The following BBS5 variants were observed in gnomAD, a reference collection of about 807,000 sequenced individuals.
BBS5 encodes the protein BBSome complex member BBS5.
BBS5 carries 39 observed loss-of-function variants against 50.2 expected under a neutral mutation model. The observed-to-expected ratio is 0.78, with a 90% CI of 0.60 to 1.01. The LOEUF (loss-of-function observed/expected upper bound fraction) is 1.01. Among genes scored for constraint, BBS5 ranks in the 50% least tolerant of loss-of-function variants. The pLI is 0.00. For missense variants in BBS5, 356 were observed against 401.5 expected, an observed-to-expected ratio of 0.89 and a Z score of 0.97; for synonymous variants, 134 against 133.1, an observed-to-expected ratio of 1.01 and a Z score of -0.05.
intron 9 of BBS5, among the ~76,000 whole-genome samples, chr2:169,500,250 T>G (rs80312049): frequency 0.047 from 7,083 of 152,262 alleles, 188 homozygotes; most frequent in East Asian, 0.1. Flanking sequence ...TATCAGTGAT[T>G]TCCTCACTAC....
rs1413032709 is a variant in BBS5 at position 169,505,958 on chromosome 2, G to T, written c.*1376G>T. The T allele has an allele frequency of 1.4e-5, 2 of 143,402 alleles. 1 individual carries two copies. The highest frequency in any genetic ancestry group is 4.6e-4 in the South Asian group (2 of 4,382). The allele number at this position is 143,402 out of a possible 1,614,324, so 8.9% of individuals were successfully genotyped here. A position where few individuals can be genotyped will look rare whatever the true frequency, so the allele number is the denominator to read the frequency against. On this transcript the variant is annotated 3_prime_UTR_variant, in exon 12 of 12. Transcript: ENST00000295240. ...CACCCCGTCCGGGAGGGAGGTGGGG[G>T]GGTCAGCCCCCCGCCCGGCCAGCCG... is the stretch of plus-strand genomic sequence containing the variant.
chr2:169,480,932 C>T (rs929835315), intron 1 of BBS5, among the ~76,000 whole-genome samples: 1 of 152,118 alleles, frequency 6.6e-6, no homozygotes, highest in African/African-American at 2.4e-5. Flanking sequence ...CCCGCCTCGG[C>T]CTCCCAAAGT....
intron 9 of BBS5, 144 bp downstream of exon 9, chr2:169,499,764 C>T: frequency 1.2e-6 from 1 of 828,392 alleles, no homozygotes; most frequent in Admixed American, 2.2e-5. Flanking sequence ...GGGCATAGCT[C>T]CTGGATTATC....
In BBS5 at chr2:169,504,969, T is replaced by C; in HGVS notation, c.*387T>C. ...GGACTGGTGATCTACGTGTGCTTTT[T>C]CAAGGGAGCTGATAAAGAACTTCTT... is the stretch of plus-strand genomic sequence containing the variant. On this transcript the variant is annotated 3_prime_UTR_variant, in exon 12 of 12. Transcript: ENST00000295240. 1 of 1,613,364 alleles carries C rather than the reference T, an allele frequency of 6.2e-7. No individual in the cohort carries two copies. Among genetic ancestry groups the C allele is most frequent in the Non-Finnish European group, 8.5e-7 (1 of 1,179,918 alleles).
chr2:169,499,372 G>T, intron 8 of BBS5, 114 bp from the exon 9 acceptor site: 5 of 1,124,828 alleles, frequency 4.4e-6, no homozygotes, highest in Non-Finnish European at 5.1e-6. Context: ...TTGAAAAAAT[G>T]AACTTACGTA....
chr2:169,494,772 T>C (rs1209606582), intron 7 of BBS5, among the ~76,000 whole-genome samples: 1 of 152,152 alleles, frequency 6.6e-6, no homozygotes, highest in African/African-American at 2.4e-5. Flanking sequence ...AACATAAAAA[T>C]AGTTAATGAA....
intron 9 of BBS5, among the ~76,000 whole-genome samples, chr2:169,500,345 C>T (rs979865302): frequency 6.6e-6 from 1 of 152,214 alleles, no homozygotes; most frequent in Non-Finnish European, 1.5e-5. Context: ...TTGCTGTCCC[C>T]TCTATTGTTG....
At chr2:169,501,718 T>C (rs1683806817) in intron 9 of BBS5, among the ~76,000 whole-genome samples, 1 of 152,100 alleles carries the variant, frequency 6.6e-6, no homozygotes, top group Non-Finnish European at 1.5e-5. Flanking sequence ...ACTGCAGCAA[T>C]GACCTATCTC....
intron 1 of BBS5, among the ~76,000 whole-genome samples, chr2:169,480,750 C>T (rs1226850734): frequency 1.5e-5 from 2 of 136,860 alleles, no homozygotes; most frequent in African/African-American, 5.5e-5. Flanking sequence ...GACGCGATCT[C>T]GGCTCACTGC....
intron 10 of BBS5, among the ~76,000 whole-genome samples, chr2:169,503,566 A>G (rs1199502796): frequency 6.6e-6 from 1 of 152,236 alleles, no homozygotes; most frequent in Non-Finnish European, 1.5e-5. Flanking sequence ...AGGATTTTAG[A>G]TATCTAAAGT....
rs1683754574 is a variant in BBS5 at position 169,499,312 on chromosome 2, G to A, written c.682-174G>A. On this transcript the variant is annotated intron_variant, in intron 8 of 11. Coordinates refer to ENST00000295240, the MANE Select transcript of BBS5 (RefSeq NM_152384.3). The stretch of plus-strand genomic sequence containing the variant: ...GATGGCTCCGTGGAGGCCCCCTTGT[G>A]CTCTTCTGTTTTTGTATGTGCTTGA... 3 of 628,786 alleles carry A rather than the reference G, an allele frequency of 4.8e-6. No homozygotes were observed. The South Asian group carries it at 6.1e-5, about 13-fold the overall frequency. The allele number at this position is 628,786 out of a possible 1,614,324, so 39.0% of individuals were successfully genotyped here.
chr2:169,504,358 A>C, intron 11 of BBS5, 32 bp downstream of exon 11: 1 of 1,609,374 alleles, frequency 6.2e-7, no homozygotes, highest in Non-Finnish European at 8.5e-7. Flanking sequence ...ACAGTATATG[A>C]AAAAAGTTTC....
At position 169,504,974 on chromosome 2, in the gene BBS5, G is replaced by A. The variant is rs1683878372; in HGVS notation, c.*392G>A. The A allele has an allele frequency of 6.2e-7, 1 of 1,613,136 alleles. No individual in the cohort carries two copies. The highest frequency in any genetic ancestry group is 2.2e-5 in the East Asian group (1 of 44,860). On this transcript the variant is annotated 3_prime_UTR_variant, in exon 12 of 12. Transcript: ENST00000295240. ...GGTGATCTACGTGTGCTTTTTCAAG[G>A]GAGCTGATAAAGAACTTCTTCCCAA...
intron 7 of BBS5, among the ~76,000 whole-genome samples, chr2:169,494,422 A>T (rs916954606): frequency 6.6e-6 from 1 of 152,250 alleles, no homozygotes; most frequent in Non-Finnish European, 1.5e-5. Flanking sequence ...TTCAATTAAA[A>T]CTGTTAAAAT....
chr2:169,496,171 G>C (rs549061207), intron 7 of BBS5, among the ~76,000 whole-genome samples: 1 of 152,218 alleles, frequency 6.6e-6, no homozygotes, highest in African/African-American at 2.4e-5. Flanking sequence ...GGTCCTCCGT[G>C]ATTCTCCCCT....
chr2:169,501,789 C>G (rs1683808842), intron 9 of BBS5, among the ~76,000 whole-genome samples: 2 of 152,132 alleles, frequency 1.3e-5, no homozygotes, highest in Admixed American at 1.3e-4. Flanking sequence ...ATCTTTCTTA[C>G]AAAGTTATTG....
intron 5 of BBS5, among the ~76,000 whole-genome samples, chr2:169,492,144 C>G (rs1574339151): frequency 6.6e-6 from 1 of 151,586 alleles, no homozygotes; most frequent in Non-Finnish European, 1.5e-5. Context: ...CTTTGAAAAA[C>G]AAGGAAAGGA....
chr2:169,482,393 A>G (rs2105291787), intron 2 of BBS5, 60 bp downstream of exon 2: 1 of 1,070,432 alleles, frequency 9.3e-7, no homozygotes, highest in East Asian at 2.4e-5. Flanking sequence ...GTTGAATCAT[A>G]TTAGCTAGAG....
chr2:169,494,147 G>A (rs1293580863), intron 7 of BBS5, among the ~76,000 whole-genome samples: 1 of 152,144 alleles, frequency 6.6e-6, no homozygotes, highest in Non-Finnish European at 1.5e-5. Context: ...GAGGGCTTTA[G>A]CTATTAAAGT....
Sources: allele counts gnomAD v4.1 joint callset (sites outside exome capture counted in the v4.1 genomes callset), GRCh38; gene constraint gnomAD v4.1.1; transcripts MANE v1.5; gene names NCBI Gene and HGNC (gene_info 2026-07-23, HGNC 2026-07-21).